CCDC60: variants seen among roughly 807,000 people sequenced by gnomAD.
CCDC60 encodes coiled-coil domain-containing protein 60.
Under a neutral mutation model 63.5 loss-of-function variants are expected in CCDC60, and 54 were observed. The ratio of observed to expected loss-of-function variants is 0.85; its 90% CI spans 0.68 to 1.07. The LOEUF is 1.07. Among genes scored for constraint, CCDC60 ranks in the 50% least tolerant of loss-of-function variants. CCDC60 has a pLI of 0.00. For missense variants in CCDC60, 651 were observed against 684.3 expected, an observed-to-expected ratio of 0.95 and a Z score of 0.54; for synonymous variants, 206 against 238.8, an observed-to-expected ratio of 0.86 and a Z score of 1.27.
chr12:119,512,945 C>T (rs543288767), intron 7 of CCDC60, among the ~76,000 whole-genome samples: 2 of 152,312 alleles, frequency 1.3e-5, no homozygotes, highest in Admixed American at 6.5e-5. Context: ...TCCAATGGCT[C>T]TCTGTCTGTG....
intron 1 of CCDC60, among the ~76,000 whole-genome samples, chr12:119,407,989 T>G (rs1428377576): frequency 5.9e-5 from 9 of 152,246 alleles, no homozygotes; most frequent in Non-Finnish European, 5.9e-5. Context: ...AGGTTTTCTC[T>G]GCTTTATTTT....
chr12:119,524,321 T>C, intron 11 of CCDC60: 2 of 302,534 alleles, frequency 6.6e-6, no homozygotes, highest in Non-Finnish European at 9.7e-6. Flanking sequence ...GATTTGATCT[T>C]AAGAGCACCA....
chr12:119,347,543 G>T (rs1264661068), intron 1 of CCDC60, among the ~76,000 whole-genome samples: 1 of 152,188 alleles, frequency 6.6e-6, no homozygotes, highest in Non-Finnish European at 1.5e-5. Context: ...TAGCACAGGG[G>T]CTGATACTGG....
chr12:119,402,824 T>C (rs1372529073), intron 1 of CCDC60, among the ~76,000 whole-genome samples: 1 of 152,288 alleles, frequency 6.6e-6, no homozygotes, highest in Admixed American at 6.5e-5. Context: ...TCCAGGGGTG[T>C]AGTTTGGGGT....
At chr12:119,446,047 G>C (rs1716433) in intron 2 of CCDC60, among the ~76,000 whole-genome samples, 135,549 of 152,164 alleles carry the variant, frequency 0.89, 60,763 homozygotes, top group East Asian at 1. Context: ...AACCAAACAC[G>C]ACCTGTACCC....
chr12:119,380,633 G>A lies in CCDC60; in HGVS notation c.90+45367G>A, dbSNP rs1035201904. Among the ~76,000 whole-genome samples the A allele has an allele frequency of 3.9e-5, 6 of 152,250 alleles. No individual in the cohort carries two copies. In the East Asian group the frequency reaches 5.8e-4, roughly 15 times the overall value. On this transcript the variant is annotated intron_variant, in intron 1 of 13. Transcript: ENST00000327554. ...GTTACATAGACATTAACATGAAATC[G>A]CATAGCAGAAAAGGTACTTGTTTTT...
intron 1 of CCDC60, among the ~76,000 whole-genome samples, chr12:119,386,559 C>T (rs917142562): frequency 2.6e-5 from 4 of 150,990 alleles, no homozygotes; most frequent in African/African-American, 7.3e-5. Flanking sequence ...AGCCATGGTG[C>T]GGTCGCACCA....
intron 5 of CCDC60, among the ~76,000 whole-genome samples, chr12:119,496,432 C>A (rs992526535): frequency 2.0e-5 from 3 of 152,138 alleles, no homozygotes; most frequent in African/African-American, 7.2e-5. Context: ...AATAGGATCC[C>A]CTAGGAAGCT....
intron 1 of CCDC60, among the ~76,000 whole-genome samples, chr12:119,369,711 G>A (rs1955878622): frequency 6.6e-6 from 1 of 152,128 alleles, no homozygotes; most frequent in African/African-American, 2.4e-5. Context: ...ATTAGCTCGT[G>A]GGGTTGTTAG....
Position 119,523,823 on chromosome 12 carries a change from G to A in CCDC60, c.1229+5G>A, listed in dbSNP as rs1952600351. On this transcript the variant is annotated splice_donor_5th_base_variant and intron_variant, in intron 11 of 13. Coordinates refer to ENST00000327554, the MANE Select transcript of CCDC60 (RefSeq NM_178499.5). ...CAAGATGGAAATCCTCATGAAGTAAGCGCACATATATATCCATTCATTCAA... is the reference window on the plus strand; with the variant it reads ...CAAGATGGAAATCCTCATGAAGTAAACGCACATATATATCCATTCATTCAA... The A allele has an allele frequency of 1.2e-6, 2 of 1,613,880 alleles. No homozygotes were observed. Among genetic ancestry groups the A allele is most frequent in the Admixed American group, 1.7e-5 (1 of 60,000 alleles).
chr12:119,335,058 G>T lies in CCDC60; in HGVS notation c.-119G>T. 2.7e-6 allele frequency: 2 copies of T among 730,060 alleles called. No homozygotes were observed. Among genetic ancestry groups the T allele is most frequent in the South Asian group, 1.9e-5 (1 of 51,836 alleles). 45.2% of individuals were successfully genotyped at this position (730,060 alleles called of 1,614,324 possible). On this transcript the variant is annotated 5_prime_UTR_variant, in exon 1 of 14. Coordinates refer to ENST00000327554, the MANE Select transcript of CCDC60 (RefSeq NM_178499.5). Reference sequence around the variant, plus strand: ...AAACCGCTTTGGAGTTCGTGTAATTGGGACTTGGGGATCAGGGAGAAGTTG... The same window carrying T: ...AAACCGCTTTGGAGTTCGTGTAATTTGGACTTGGGGATCAGGGAGAAGTTG...
chr12:119,539,249 C>T (rs940728482), intron 13 of CCDC60, among the ~76,000 whole-genome samples: 3 of 152,314 alleles, frequency 2.0e-5, no homozygotes, highest in Admixed American at 6.5e-5. Flanking sequence ...TCTTCAGAGC[C>T]GGCAGGCAGG....
In CCDC60 at chr12:119,462,758, C is replaced by G. The variant is rs533125799; in HGVS notation, c.171-9236C>G. Among the ~76,000 whole-genome samples the G allele has an allele frequency of 3.9e-5, 6 of 152,062 alleles. No individual in the cohort carries two copies. In the East Asian group the frequency reaches 1.2e-3, roughly 29 times the overall value. ...GCCTCAGCCTTTCAAGTAGCTGGGA[C>G]CATTGGCATATGCTACCATGCCCAA... On this transcript the variant is annotated intron_variant, in intron 2 of 13. Transcript: ENST00000327554.
At chr12:119,425,700 G>A (rs12322169) in intron 1 of CCDC60, among the ~76,000 whole-genome samples, 9,623 of 152,196 alleles carry the variant, frequency 0.063, 301 homozygotes, top group East Asian at 0.096. Context: ...CAAGCAACTC[G>A]CAGGGGCTCT....
intron 2 of CCDC60, among the ~76,000 whole-genome samples, chr12:119,431,244 T>C (rs997901153): frequency 6.6e-6 from 1 of 152,234 alleles, no homozygotes; most frequent in African/African-American, 2.4e-5. Flanking sequence ...CTGAAATCAG[T>C]ATCCCCGAGC....
At chr12:119,478,635 T>G (rs1375585486) in intron 3 of CCDC60, among the ~76,000 whole-genome samples, 3 of 120,694 alleles carry the variant, frequency 2.5e-5, no homozygotes, top group Admixed American at 1.1e-4. Context: ...TGAGACGGAG[T>G]CTCACTCTGT....
In CCDC60 at chr12:119,472,052, A is replaced by C. The variant is rs1951072784; in HGVS notation, c.229A>C (p.Thr77Pro). ...ATATTTTGCTATTCTGAGGGAAGAGACTGCAAAGAAAAAGAAGCAACAACA... is the reference window on the plus strand; with the variant it reads ...ATATTTTGCTATTCTGAGGGAAGAGCCTGCAAAGAAAAAGAAGCAACAACA... The part of the protein sequence containing the change: ...RGYFAILREE[T>P]AKKKKQQQLQ... The change falls in exon 3 of 14, where the codon ACT (threonine) becomes CCT (proline). Residue 77 changes from threonine to proline, a missense_variant. By Grantham distance (38) the Thr-to-Pro change is conservative. Transcript: ENST00000327554. 1 of 1,614,082 alleles carries C rather than the reference A, an allele frequency of 6.2e-7. No individual in the cohort carries two copies. Among genetic ancestry groups the C allele is most frequent in the Non-Finnish European group, 8.5e-7 (1 of 1,180,000 alleles).
intron 1 of CCDC60, among the ~76,000 whole-genome samples, chr12:119,336,375 G>A (rs535336091): frequency 1.8e-4 from 28 of 152,206 alleles, no homozygotes; most frequent in Admixed American, 9.8e-4. Context: ...GAGTGAAAAC[G>A]CGAACCAGAT....
intron 7 of CCDC60, among the ~76,000 whole-genome samples, chr12:119,513,362 A>G (rs1460597906): frequency 6.6e-6 from 1 of 152,196 alleles, no homozygotes; most frequent in Admixed American, 6.5e-5. Context: ...AGTTCTGGAT[A>G]CTAAACATCC....
Sources: allele counts gnomAD v4.1 joint callset (sites outside exome capture counted in the v4.1 genomes callset), GRCh38; gene constraint gnomAD v4.1.1; transcripts MANE v1.5; gene names NCBI Gene and HGNC (gene_info 2026-07-23, HGNC 2026-07-21).